Variants in LINGO2 observed in about 807,000 individuals in gnomAD.
LINGO2 encodes the protein leucine rich repeat and Ig domain containing 2.
Under a neutral mutation model 30.6 loss-of-function variants are expected in LINGO2, and 14 were observed. That is an observed-to-expected ratio of 0.46 (90% confidence interval 0.30 to 0.72). The LOEUF (loss-of-function observed/expected upper bound fraction) is 0.72. Ranked by LOEUF, LINGO2 falls within the 30% of genes least tolerant of loss-of-function variation. The pLI is 0.07. For missense variants in LINGO2, 729 were observed against 751.7 expected, an observed-to-expected ratio of 0.97 and a Z score of 0.35; for synonymous variants, 317 against 288.5, an observed-to-expected ratio of 1.10 and a Z score of -1.00.
chr9:29,138,642 T>C, the LINGO2 span, among the ~76,000 whole-genome samples: 11 of 152,170 alleles, frequency 7.2e-5, no homozygotes, highest in African/African-American at 2.7e-4. Flanking sequence ...TATGATGCTT[T>C]AAAATTTAAA....
intron 4 of LINGO2, among the ~76,000 whole-genome samples, chr9:28,250,615 G>T (rs765167542): frequency 1.3e-4 from 20 of 152,162 alleles, no homozygotes; most frequent in Non-Finnish European, 2.5e-4. Flanking sequence ...CCCCGCTCAT[G>T]ATGGCTGAAT....
At chr9:28,276,259 A>C (rs1823110003) in intron 4 of LINGO2, among the ~76,000 whole-genome samples, 1 of 152,172 alleles carries the variant, frequency 6.6e-6, no homozygotes, top group Non-Finnish European at 1.5e-5. Flanking sequence ...TCATGTACAC[A>C]GAGCAACAGT....
intron 4 of LINGO2, among the ~76,000 whole-genome samples, chr9:28,287,093 A>C (rs1360392809): frequency 1.3e-5 from 2 of 152,204 alleles, no homozygotes; most frequent in Non-Finnish European, 2.9e-5. Flanking sequence ...CCCTGACCTC[A>C]AGCACATTAC....
chr9:29,010,057 G>A, the LINGO2 span, among the ~76,000 whole-genome samples: 2 of 152,076 alleles, frequency 1.3e-5, no homozygotes, highest in Admixed American at 1.3e-4. Context: ...TTAAATGTTA[G>A]ACCTAAAACC....
intron 3 of LINGO2, among the ~76,000 whole-genome samples, chr9:28,308,101 A>G (rs1240863823): frequency 1.4e-5 from 2 of 141,912 alleles, no homozygotes; most frequent in African/African-American, 5.0e-5. Flanking sequence ...ATATGGAACC[A>G]AAAAAGAGCC....
the LINGO2 span, among the ~76,000 whole-genome samples, chr9:28,931,691 CAT>C: frequency 2.0e-5 from 3 of 152,132 alleles, no homozygotes; most frequent in Non-Finnish European, 2.9e-5. Context: ...GTTGAGGAAA[CAT>C]AGGATTGGAA....
At chr9:28,198,249 GAAA>G (rs11452546) in intron 4 of LINGO2, among the ~76,000 whole-genome samples, 1 of 145,186 alleles carries the variant, frequency 6.9e-6, no homozygotes, top group Admixed American at 6.8e-5. Context: ...GGACAAATAT[GAAA>G]AAAAAAAACA....
the LINGO2 span, among the ~76,000 whole-genome samples, chr9:28,727,467 T>G: frequency 6.6e-6 from 1 of 152,072 alleles, no homozygotes; most frequent in Non-Finnish European, 1.5e-5. Flanking sequence ...TTTGTATTTT[T>G]TTAGTAAAGA....
At chr9:28,354,578 T>C (rs573795788) in intron 3 of LINGO2, among the ~76,000 whole-genome samples, 19 of 152,308 alleles carry the variant, frequency 1.2e-4, no homozygotes, top group African/African-American at 4.1e-4. Flanking sequence ...TCAAGAAACA[T>C]GGGGTGAAAT....
intron 4 of LINGO2, among the ~76,000 whole-genome samples, chr9:28,192,369 T>A (rs974214069): frequency 2.6e-5 from 4 of 152,120 alleles, no homozygotes; most frequent in African/African-American, 9.7e-5. Flanking sequence ...AATTAATTAA[T>A]TTAATTAATT....
chr9:28,255,166 CCCTT>C (rs1221508377), intron 4 of LINGO2, among the ~76,000 whole-genome samples: 9 of 151,732 alleles, frequency 5.9e-5, no homozygotes, highest in African/African-American at 7.3e-5. Context: ...TCTCTTTTTA[CCCTT>C]CCTTCCTTCC....
the LINGO2 span, among the ~76,000 whole-genome samples, chr9:29,051,989 C>T: frequency 1.3e-5 from 2 of 152,140 alleles, no homozygotes; most frequent in Non-Finnish European, 2.9e-5. Flanking sequence ...TATAATTCTA[C>T]ATCATTCCAA....
At chr9:29,092,398 C>A in the LINGO2 span, among the ~76,000 whole-genome samples, 15 of 151,812 alleles carry the variant, frequency 9.9e-5, no homozygotes, top group African/African-American at 3.4e-4. Context: ...TTCCCAGGTA[C>A]TCATAAAAAG....
chr9:28,695,967 G>A, the LINGO2 span, among the ~76,000 whole-genome samples: 1 of 151,812 alleles, frequency 6.6e-6, no homozygotes, highest in Non-Finnish European at 1.5e-5. Flanking sequence ...TTTATGCTAT[G>A]CATATTGTGA....
At chr9:28,118,883 G>T (rs1827011593) in intron 4 of LINGO2, among the ~76,000 whole-genome samples, 1 of 151,960 alleles carries the variant, frequency 6.6e-6, no homozygotes, top group Non-Finnish European at 1.5e-5. Flanking sequence ...AGAAGTCTGT[G>T]GGTTTAATAG....
At position 28,330,621 on chromosome 9, in the gene LINGO2, T is replaced by C. The variant is rs10968512; in HGVS notation, c.-245-35255A>G. Among the ~76,000 whole-genome samples the C allele has an allele frequency of 7.8e-3, 1,181 of 152,302 alleles. 104 individuals are homozygous for C. In the East Asian group the frequency reaches 0.19, roughly 24 times the overall value. On this transcript the variant is annotated intron_variant, in intron 3 of 5. Coordinates refer to ENST00000379992, the Ensembl canonical transcript of LINGO2. Reference sequence around the variant, plus strand: ...CGAATAAATAAATAAATAATGGCTCTGAAACACTTGATTCACCCAAAATGT... The same window carrying C: ...CGAATAAATAAATAAATAATGGCTCCGAAACACTTGATTCACCCAAAATGT...
chr9:27,965,540 C>T (rs1820061153), intron 5 of LINGO2, among the ~76,000 whole-genome samples: 1 of 151,974 alleles, frequency 6.6e-6, no homozygotes, highest in South Asian at 2.1e-4. Flanking sequence ...AACATGAATT[C>T]ATCTTGTATT....
the LINGO2 span, among the ~76,000 whole-genome samples, chr9:28,722,276 G>T: frequency 3.5e-4 from 53 of 152,192 alleles, 1 homozygote; most frequent in African/African-American, 1.3e-3. Flanking sequence ...GGAAGAAAAA[G>T]TATCCCTTCC....
chr9:28,724,306 C>T, the LINGO2 span, among the ~76,000 whole-genome samples: 8 of 152,190 alleles, frequency 5.3e-5, no homozygotes, highest in East Asian at 3.9e-4. Context: ...CCTGCTTTTG[C>T]GGATAAGGAA....
Sources: gnomAD v4.1 joint callset for allele counts (sites outside exome capture counted in the v4.1 genomes callset) on GRCh38, gnomAD v4.1.1 for gene constraint, MANE v1.5 for transcripts, NCBI Gene and HGNC (gene_info 2026-07-23, HGNC 2026-07-21) for gene names.